Variants in TTL observed in about 807,000 individuals in gnomAD.
TTL encodes the protein tubulin--tyrosine ligase.
A neutral mutation model predicts 41.1 loss-of-function variants in TTL; 10 were observed. The ratio of observed to expected loss-of-function variants is 0.24; its 90% CI spans 0.15 to 0.41. The LOEUF is 0.41. Among genes scored for constraint, TTL ranks in the 10% least tolerant of loss-of-function variants. The pLI is 1.00. For synonymous variants in TTL, 175 were observed against 175.5 expected, an observed-to-expected ratio of 1.00 and a Z score of 0.02; for missense variants, 367 against 460.4, an observed-to-expected ratio of 0.80 and a Z score of 1.86.
intron 1 of TTL, among the ~76,000 whole-genome samples, chr2:112,485,112 G>A (rs1681206294): frequency 6.6e-6 from 1 of 151,976 alleles, no homozygotes; most frequent in South Asian, 2.1e-4. Flanking sequence ...ACCACGCCCA[G>A]CTAGTTTTTG....
rs984307069 is a variant in TTL, at chr2:112,528,878, A to G, written c.*83A>G. 5 of 1,128,364 alleles carry G rather than the reference A, an allele frequency of 4.4e-6. No homozygotes were observed. The African/African-American group carries it at 7.7e-5, about 17-fold the overall frequency. 69.9% of individuals were successfully genotyped at this position (1,128,364 alleles called of 1,614,324 possible). ...GAAATGACTGGATTGCTCTTTATCCAGCCCACAGCAGGGGAAAGAAAGGCA... is the reference window on the plus strand; with the variant it reads ...GAAATGACTGGATTGCTCTTTATCCGGCCCACAGCAGGGGAAAGAAAGGCA... On this transcript the variant is annotated 3_prime_UTR_variant, in exon 7 of 7. Transcript: ENST00000233336.
chr2:112,496,685 G>GTC (rs1681536692), intron 3 of TTL, among the ~76,000 whole-genome samples: 1 of 141,080 alleles, frequency 7.1e-6, no homozygotes, highest in Non-Finnish European at 1.5e-5. Flanking sequence ...GTGTGTGTGT[G>GTC]TGTGTGTGTG....
chr2:112,536,968 A>C lies in TTL; in HGVS notation c.*8173A>C, dbSNP rs1682611292. On this transcript the variant is annotated 3_prime_UTR_variant, in exon 7 of 7. Transcript: ENST00000233336. ...TTGATTCCATGTCTTTGCTCTTGTG[A>C]ATAGCACTGTGATAAACATATAGGT... is the stretch of plus-strand genomic sequence containing the variant. 6.6e-6 allele frequency: 1 copy of C among 152,290 alleles called. No individual in the cohort carries two copies. The highest frequency in any genetic ancestry group is 1.5e-5 in the Non-Finnish European group (1 of 68,064). The allele number at this position is 152,290 out of a possible 1,614,324, so 9.4% of individuals were successfully genotyped here.
At chr2:112,489,892 A>G (rs1681334462) in intron 2 of TTL, among the ~76,000 whole-genome samples, 1 of 152,244 alleles carries the variant, frequency 6.6e-6, no homozygotes, top group Non-Finnish European at 1.5e-5. Context: ...TTACTGAGTG[A>G]AAATGATGAT....
Position 112,539,157 on chromosome 2 carries a change from G to A in TTL, c.*10362G>A, listed in dbSNP as rs1449859037. On this transcript the variant is annotated 3_prime_UTR_variant, in exon 7 of 7. Transcript: ENST00000233336. ...AAAAGATGGGAACAGCAGACACTGG[G>A]GACTACTAGAGCCAGGAGAGAAGGA... 1 of 151,298 alleles carries A rather than the reference G, an allele frequency of 6.6e-6. No homozygotes were observed. The highest frequency in any genetic ancestry group is 1.5e-5 in the Non-Finnish European group (1 of 67,952). The allele number at this position is 151,298 out of a possible 1,614,324, so 9.4% of individuals were successfully genotyped here.
At chr2:112,485,769 T>C in intron 1 of TTL, 148 bp from the exon 2 acceptor site, 1 of 716,148 alleles carries the variant, frequency 1.4e-6, no homozygotes, top group Non-Finnish European at 2.4e-6. Flanking sequence ...AGAGGGTCCC[T>C]GGGGACAGAG....
At position 112,503,250 on chromosome 2, in the gene TTL, A is replaced by G. The variant is rs1234822000; in HGVS notation, c.875+69A>G. On this transcript the variant is annotated intron_variant, in intron 5 of 6. Transcript: ENST00000233336. ...GGAGCTTTGGCGTCTATGCCTTTCAAAGAATTGTTTCATATAAGTTGTCTA... is the reference window on the plus strand; with the variant it reads ...GGAGCTTTGGCGTCTATGCCTTTCAGAGAATTGTTTCATATAAGTTGTCTA... 25 of 1,364,128 alleles carry G rather than the reference A, an allele frequency of 1.8e-5. No homozygotes were observed. The East Asian group carries it at 5.9e-4, about 32-fold the overall frequency. 84.5% of individuals were successfully genotyped at this position (1,364,128 alleles called of 1,614,324 possible).
chr2:112,509,117 T>G (rs1681852542), intron 5 of TTL, among the ~76,000 whole-genome samples: 1 of 131,488 alleles, frequency 7.6e-6, no homozygotes, highest in South Asian at 2.6e-4. Context: ...GCCTCCCAGT[T>G]AGGCTGCTCG....
chr2:112,494,396 C>T (rs1486697292), intron 3 of TTL, 21 bp downstream of exon 3: 5 of 1,574,794 alleles, frequency 3.2e-6, no homozygotes, highest in Middle Eastern at 1.7e-4. Context: ...ACTGCTGTCC[C>T]CTTCTCTATT....
chr2:112,516,328 T>G (rs1317151051), intron 5 of TTL, among the ~76,000 whole-genome samples: 1 of 152,302 alleles, frequency 6.6e-6, no homozygotes, highest in East Asian at 1.9e-4. Flanking sequence ...GATATCCCAT[T>G]GACCCAGGGC....
rs1176594742 is a variant in TTL, at chr2:112,482,643, G to A, written c.157+142G>A. 5.2e-6 allele frequency: 5 copies of A among 965,628 alleles called. No homozygotes were observed. Among genetic ancestry groups the A allele is most frequent in the Non-Finnish European group, 4.4e-6 (3 of 686,030 alleles). 59.8% of individuals were successfully genotyped at this position (965,628 alleles called of 1,614,324 possible). On this transcript the variant is annotated intron_variant, in intron 1 of 6. Transcript: ENST00000233336. The surrounding 1 kb of genome is among the most constrained non-coding windows in gnomAD (Gnocchi z 5.3). Reference sequence around the variant, plus strand: ...TGTCGGGCACATCAGAAACGGATTCGGAAAGATCGAAACCTGTCGTTTTTA... The same window carrying A: ...TGTCGGGCACATCAGAAACGGATTCAGAAAGATCGAAACCTGTCGTTTTTA...
rs575285765 is a variant in TTL at position 112,536,553 on chromosome 2, T to A, written c.*7758T>A. 10 of 152,292 alleles carry A rather than the reference T, an allele frequency of 6.6e-5. No homozygotes were observed. In the South Asian group the frequency reaches 2.1e-3, roughly 32 times the overall value. 9.4% of individuals were successfully genotyped at this position (152,292 alleles called of 1,614,324 possible). On this transcript the variant is annotated 3_prime_UTR_variant, in exon 7 of 7. Transcript: ENST00000233336. ...GGACTTTTTTTTAATAGTTCCAACT[T>A]TTATTTTAAATTCTGGAGGTACATA...
At chr2:112,510,535 G>T (rs989530810) in intron 5 of TTL, among the ~76,000 whole-genome samples, 1 of 151,472 alleles carries the variant, frequency 6.6e-6, no homozygotes, top group Non-Finnish European at 1.5e-5. Flanking sequence ...GCAATGGCAC[G>T]ATCTCGGCTC....
At position 112,487,498 on chromosome 2, in the gene TTL, GC is replaced by G. The variant is rs376840757; in HGVS notation, c.236+1504del. ...TTTTCCCCTAAAGATAAAGTAGGAA[GC>G]AGAGGACTCAGTAAAAAAATAATGG... is the stretch of plus-strand genomic sequence containing the variant. On this transcript the variant is annotated intron_variant, in intron 2 of 6. Coordinates refer to ENST00000233336, the MANE Select transcript of TTL (RefSeq NM_153712.5). Among the ~76,000 whole-genome samples, 1,087 of 152,306 alleles carry G rather than the reference GC, an allele frequency of 7.1e-3. 9 individuals carry two copies. Among genetic ancestry groups the G allele is most frequent in the South Asian group, 0.03 (143 of 4,828 alleles).
At position 112,536,181 on chromosome 2, in the gene TTL, T is replaced by C. The variant is rs925809943; in HGVS notation, c.*7386T>C. 3.9e-5 allele frequency: 6 copies of C among 152,308 alleles called. No homozygotes were observed. The highest frequency in any genetic ancestry group is 1.4e-4 in the African/African-American group (6 of 41,460). The allele number at this position is 152,308 out of a possible 1,614,324, so 9.4% of individuals were successfully genotyped here. A position where few individuals can be genotyped will look rare whatever the true frequency, so the allele number is the denominator to read the frequency against. On this transcript the variant is annotated 3_prime_UTR_variant, in exon 7 of 7. Transcript: ENST00000233336. ...TGGACACTTAGGTCGCTTCCAAATC[T>C]TGGCTATTGCAAACAAGGCTGCAGT...
At chr2:112,506,810 A>G in intron 5 of TTL, among the ~76,000 whole-genome samples, 1 of 76,780 alleles carries the variant, frequency 1.3e-5, no homozygotes, top group Non-Finnish European at 2.5e-5. Flanking sequence ...TTGTGTCTCT[A>G]TTTCCTTCAG....
chr2:112,492,011 A>G (rs1050558412), intron 2 of TTL, among the ~76,000 whole-genome samples: 11 of 152,172 alleles, frequency 7.2e-5, no homozygotes, highest in African/African-American at 2.7e-4. Flanking sequence ...ATTTCACCTT[A>G]GTCCCAATTG....
At chr2:112,517,323 T>C (rs950849283) in intron 5 of TTL, among the ~76,000 whole-genome samples, 2 of 152,034 alleles carry the variant, frequency 1.3e-5, no homozygotes, top group Admixed American at 1.3e-4. Flanking sequence ...TCTCATCTCA[T>C]TTCAACCTCT....
rs183154088 is a variant in TTL, at chr2:112,513,172, A to G, written c.876-7110A>G. ...CATAATGTTATTATTTTTGCTATCAACAGTTTTATATATATATTTGCACAG... is the reference window on the plus strand; with the variant it reads ...CATAATGTTATTATTTTTGCTATCAGCAGTTTTATATATATATTTGCACAG... On this transcript the variant is annotated intron_variant, in intron 5 of 6. Transcript: ENST00000233336. 4.1e-3 allele frequency among the ~76,000 whole-genome samples: 630 copies of G among 152,170 alleles called. 2 individuals carry two copies. The highest frequency in any genetic ancestry group is 0.015 in the African/African-American group (607 of 41,550).
Sources: gnomAD v4.1 joint callset for allele counts (sites outside exome capture counted in the v4.1 genomes callset) on GRCh38, gnomAD v4.1.1 for gene constraint, Gnocchi (gnomAD v3.1) non-coding constraint, MANE v1.5 for transcripts, NCBI Gene and HGNC (gene_info 2026-07-23, HGNC 2026-07-21) for gene names.